The following VAV1 variants were observed in gnomAD, a reference collection of about 807,000 sequenced individuals.
VAV1 encodes the protein proto-oncogene vav.
Under a neutral mutation model 128.1 loss-of-function variants are expected in VAV1, and 33 were observed. The ratio of observed to expected loss-of-function variants is 0.26; its 90% CI spans 0.20 to 0.34. The LOEUF (loss-of-function observed/expected upper bound fraction) is 0.34. Ranked by LOEUF, VAV1 falls within the 10% of genes least tolerant of loss-of-function variation. The pLI is 1.00. For synonymous variants in VAV1, 394 were observed against 409.8 expected (o/e 0.96, Z 0.47); for missense variants, 715 against 1,093.7 (o/e 0.65, Z 4.88).
intron 1 of VAV1, among the ~76,000 whole-genome samples, chr19:6,792,413 G>T (rs978222348): frequency 6.6e-6 from 1 of 151,974 alleles, no homozygotes; most frequent in Non-Finnish European, 1.5e-5. Flanking sequence ...GAGGAGGCAG[G>T]GTGGTGTCTA....
At chr19:6,814,300 C>T (rs1166885547) in intron 1 of VAV1, among the ~76,000 whole-genome samples, 3 of 152,102 alleles carry the variant, frequency 2.0e-5, no homozygotes, top group Non-Finnish European at 4.4e-5. Flanking sequence ...TTGTGCAATC[C>T]ACACCCTTAT....
chr19:6,775,525 A>G (rs1970602184), intron 1 of VAV1, among the ~76,000 whole-genome samples: 1 of 152,162 alleles, frequency 6.6e-6, no homozygotes, highest in African/African-American at 2.4e-5. Flanking sequence ...GGGGTTTTGA[A>G]GAGTAAATAG....
intron 1 of VAV1, among the ~76,000 whole-genome samples, chr19:6,802,194 G>A (rs1044893438): frequency 2.0e-5 from 3 of 151,886 alleles, no homozygotes; most frequent in Non-Finnish European, 4.4e-5. Context: ...CTGTTGTGGG[G>A]TCGGGGAAGT....
At chr19:6,784,193 G>A (rs1218028446) in intron 1 of VAV1, 4 of 631,152 alleles carry the variant, frequency 6.3e-6, no homozygotes, top group Non-Finnish European at 1.2e-5. Context: ...GTTTGATGCT[G>A]CAGTGAGCTA....
chr19:6,821,581 G>C, intron 2 of VAV1, 41 bp from the exon 3 acceptor site: 1 of 1,612,238 alleles, frequency 6.2e-7, no homozygotes, highest in East Asian at 2.2e-5. Flanking sequence ...TGCCGTGGGG[G>C]TGTACAAGGG....
Position 6,820,886 on chromosome 19 carries a change from A to G in VAV1, c.321+68A>G. The G allele has an allele frequency of 6.9e-7, 1 of 1,459,450 alleles. No homozygotes were observed. The highest frequency in any genetic ancestry group is 1.4e-5 in the African/African-American group (1 of 72,040). The allele number at this position is 1,459,450 out of a possible 1,614,324, so 90.4% of individuals were successfully genotyped here. On this transcript the variant is annotated intron_variant, in intron 2 of 26. Transcript: ENST00000602142. This position sits in a 1 kb window ranked among gnomAD's most constrained non-coding sequence, Gnocchi z 4.4. ...TTTCTATTGACGTCTACACTGGGCAAGCTAAGGACTGTCAGGGGACAGGCA... is the reference window on the plus strand; with the variant it reads ...TTTCTATTGACGTCTACACTGGGCAGGCTAAGGACTGTCAGGGGACAGGCA...
At chr19:6,785,905 C>T (rs570060962) in intron 1 of VAV1, among the ~76,000 whole-genome samples, 3 of 152,022 alleles carry the variant, frequency 2.0e-5, no homozygotes, top group African/African-American at 4.8e-5. Flanking sequence ...GTGATCCGCC[C>T]GTCTCGGCCT....
chr19:6,802,352 T>A (rs974885855), intron 1 of VAV1, among the ~76,000 whole-genome samples: 2 of 151,614 alleles, frequency 1.3e-5, no homozygotes, highest in African/African-American at 4.9e-5. Context: ...ATAATAAAAT[T>A]AAAAAAAATA....
chr19:6,783,470 C>CTTTTT lies in VAV1; in HGVS notation c.204+10476_204+10480dup, dbSNP rs61101390. Among the ~76,000 whole-genome samples the CTTTTT allele has an allele frequency of 4.3e-3, 485 of 113,696 alleles. 3 individuals are homozygous for CTTTTT. The highest frequency in any genetic ancestry group is 8.9e-3 in the South Asian group (30 of 3,366). The allele number at this position is 113,696 out of a possible 152,430, so 74.6% of individuals were successfully genotyped here. ...TGGAAGTGGCGCCATCACCTCCATC[C>CTTTTT]TTTTTTTTTTTTTTTTTTTTTGAGA... On this transcript the variant is annotated intron_variant, in intron 1 of 26. Coordinates refer to ENST00000602142, the MANE Select transcript of VAV1 (RefSeq NM_005428.4).
At chr19:6,856,017 A>G (rs972743526) in intron 26 of VAV1, among the ~76,000 whole-genome samples, 3 of 152,178 alleles carry the variant, frequency 2.0e-5, no homozygotes, top group Non-Finnish European at 4.4e-5. Flanking sequence ...CCTGCTGGCC[A>G]GGCGTGGTGG....
intron 1 of VAV1, among the ~76,000 whole-genome samples, chr19:6,819,251 T>C (rs192216908): frequency 6.6e-6 from 1 of 152,208 alleles, no homozygotes; most frequent in African/African-American, 2.4e-5. Context: ...TAAGAAGTTA[T>C]GTTTCTGAAC....
intron 1 of VAV1, among the ~76,000 whole-genome samples, chr19:6,808,256 G>A (rs1268848013): frequency 6.6e-6 from 1 of 151,862 alleles, no homozygotes; most frequent in East Asian, 1.9e-4. Flanking sequence ...AGTTTGCAGT[G>A]AGCCAAGATC....
intron 4 of VAV1, 94 bp downstream of exon 4, chr19:6,821,953 A>G: frequency 6.6e-7 from 1 of 1,524,628 alleles, no homozygotes; most frequent in Non-Finnish European, 9.1e-7. Context: ...CCGGGAAATA[A>G]GGTCATACCC....
intron 1 of VAV1, among the ~76,000 whole-genome samples, chr19:6,781,684 T>G (rs1970769529): frequency 6.6e-6 from 1 of 151,882 alleles, no homozygotes; most frequent in South Asian, 2.1e-4. Flanking sequence ...CTCAGCTCAC[T>G]GCAACCTCCG....
chr19:6,825,184 C>G (rs1488314594), intron 7 of VAV1, 63 bp downstream of exon 7: 1 of 1,584,950 alleles, frequency 6.3e-7, no homozygotes, highest in Non-Finnish European at 8.6e-7. Context: ...CTGCCCCTAC[C>G]TCTCCCTGGA....
intron 15 of VAV1, among the ~76,000 whole-genome samples, 158 bp from the exon 16 acceptor site, chr19:6,833,026 T>G (rs1269679359): frequency 1.3e-5 from 2 of 152,202 alleles, no homozygotes; most frequent in East Asian, 3.8e-4. Context: ...GGCAGCACGA[T>G]TCAGTGTGGC....
intron 1 of VAV1, among the ~76,000 whole-genome samples, chr19:6,803,321 G>A (rs1182367310): frequency 1.3e-5 from 2 of 152,168 alleles, no homozygotes; most frequent in African/African-American, 4.8e-5. Context: ...CTAGGAAAAG[G>A]GTGGTAACTT....
At chr19:6,773,120 G>A (rs1970539272) in intron 1 of VAV1, 109 bp downstream of exon 1, 8 of 1,420,058 alleles carry the variant, frequency 5.6e-6, no homozygotes, top group Non-Finnish European at 7.8e-6. Flanking sequence ...GCAAAGGAGA[G>A]GGAATATGCT....
intron 1 of VAV1, among the ~76,000 whole-genome samples, chr19:6,817,643 G>A (rs921301864): frequency 3.9e-5 from 6 of 151,958 alleles, no homozygotes; most frequent in South Asian, 4.1e-4. Flanking sequence ...GATAGAAAAC[G>A]CCGGAGTAGG....
Sources: allele counts gnomAD v4.1 joint callset (sites outside exome capture counted in the v4.1 genomes callset), GRCh38; gene constraint gnomAD v4.1.1; non-coding constraint Gnocchi (gnomAD v3.1); transcripts MANE v1.5; gene names NCBI Gene and HGNC (gene_info 2026-07-23, HGNC 2026-07-21).